Variants in PTCHD4 observed in about 807,000 individuals in gnomAD.
The protein encoded by PTCHD4 is patched domain containing 4.
Under a neutral mutation model 58.1 loss-of-function variants are expected in PTCHD4, and 33 were observed. That is an observed-to-expected ratio of 0.57 (90% confidence interval 0.43 to 0.76). The LOEUF is 0.76. Ranked by LOEUF, PTCHD4 falls within the 30% of genes least tolerant of loss-of-function variation. The pLI, the probability that PTCHD4 is intolerant of heterozygous loss-of-function variation, is 0.00. For missense variants in PTCHD4, 1,058 were observed against 1,027.1 expected, an observed-to-expected ratio of 1.03 and a Z score of -0.41; for synonymous variants, 478 against 409.6, an observed-to-expected ratio of 1.17 and a Z score of -2.02.
intron 4 of PTCHD4, among the ~76,000 whole-genome samples, chr6:47,943,201 G>A (rs1264351390): frequency 2.6e-5 from 4 of 152,058 alleles, no homozygotes; most frequent in Non-Finnish European, 5.9e-5. Context: ...GTAAATTTGA[G>A]AGTCATATAT....
intron 4 of PTCHD4, among the ~76,000 whole-genome samples, chr6:47,941,970 T>C (rs1329851225): frequency 6.6e-6 from 1 of 152,216 alleles, no homozygotes; most frequent in Non-Finnish European, 1.5e-5. Context: ...TGAAGTTGTG[T>C]TGAATGTGAA....
chr6:48,036,205 A>C (rs1008665994), intron 3 of PTCHD4, among the ~76,000 whole-genome samples: 1 of 152,072 alleles, frequency 6.6e-6, no homozygotes, highest in Non-Finnish European at 1.5e-5. Flanking sequence ...AGAGATACTT[A>C]AGCGAAGAGT....
intron 4 of PTCHD4, among the ~76,000 whole-genome samples, chr6:47,902,324 C>T (rs964520536): frequency 1.4e-4 from 21 of 152,108 alleles, no homozygotes; most frequent in Non-Finnish European, 5.9e-5. Context: ...CTTACAGTCT[C>T]ACTGGGTGAA....
chr6:48,111,006 G>T (rs1765864162), intron 1 of PTCHD4, among the ~76,000 whole-genome samples, 43 bp downstream of exon 1: 1 of 151,822 alleles, frequency 6.6e-6, no homozygotes, highest in Admixed American at 6.6e-5. Flanking sequence ...TCCTTTCTCT[G>T]TCCTGCTCTT....
intron 1 of PTCHD4, among the ~76,000 whole-genome samples, chr6:48,088,904 G>A (rs1765311622): frequency 6.6e-6 from 1 of 152,142 alleles, no homozygotes; most frequent in South Asian, 2.1e-4. Context: ...AATTAGCTGA[G>A]TGTGGTGGCG....
intron 3 of PTCHD4, among the ~76,000 whole-genome samples, chr6:48,035,297 T>C (rs1427081187): frequency 6.6e-6 from 1 of 152,082 alleles, no homozygotes; most frequent in Non-Finnish European, 1.5e-5. Context: ...TGGGTCACTC[T>C]GAATTGGGAA....
intron 1 of PTCHD4, among the ~76,000 whole-genome samples, chr6:48,094,907 A>C (rs1765432164): frequency 6.6e-6 from 1 of 152,238 alleles, no homozygotes; most frequent in South Asian, 2.1e-4. Flanking sequence ...AAACAATAAG[A>C]GTACATACTG....
At chr6:47,895,434 G>A (rs767561649) in intron 4 of PTCHD4, among the ~76,000 whole-genome samples, 31 of 152,148 alleles carry the variant, frequency 2.0e-4, no homozygotes, top group Admixed American at 1.1e-3. Context: ...GCTGATAAAA[G>A]CATGTTAGCA....
rs1412153830 is a variant in PTCHD4, at chr6:47,868,173, A to T, written c.*10130T>A. Among the ~76,000 whole-genome samples, 3 of 151,380 alleles carry T rather than the reference A, an allele frequency of 2.0e-5. No homozygotes were observed. The highest frequency in any genetic ancestry group is 3.9e-4 in the East Asian group (2 of 5,120). On this transcript the variant is annotated 3_prime_UTR_variant, in exon 5 of 5. Transcript: ENST00000339488. ...TCAACAGTTTTAGATCCGTTTTAAAATTTTTTCTCACTTTACCTTTTTTTT... is the reference window on the plus strand; with the variant it reads ...TCAACAGTTTTAGATCCGTTTTAAATTTTTTTCTCACTTTACCTTTTTTTT...
Position 47,857,105 on chromosome 6 carries a change from G to T in PTCHD4, c.*21198C>A, listed in dbSNP as rs1341058455. Among the ~76,000 whole-genome samples the T allele has an allele frequency of 2.0e-5, 3 of 151,892 alleles. No individual in the cohort carries two copies. The highest frequency in any genetic ancestry group is 7.2e-5 in the African/African-American group (3 of 41,386). ...ACAAGAAATCATATTATATAGTATT[G>T]TCCCACCTAACAAAAATTACTTATG... On this transcript the variant is annotated 3_prime_UTR_variant, in exon 5 of 5. Transcript: ENST00000339488.
At chr6:47,957,912 A>T (rs1464306224) in intron 4 of PTCHD4, among the ~76,000 whole-genome samples, 1 of 152,092 alleles carries the variant, frequency 6.6e-6, no homozygotes, top group Non-Finnish European at 1.5e-5. Flanking sequence ...CCATAAGACT[A>T]AATTTTTAAG....
chr6:47,940,368 G>T (rs1387853334), intron 4 of PTCHD4, among the ~76,000 whole-genome samples: 3 of 151,994 alleles, frequency 2.0e-5, no homozygotes, highest in Admixed American at 2.0e-4. Context: ...TGGTTTCCAT[G>T]TCACCCATAT....
At chr6:48,106,230 A>G (rs1272574696) in intron 1 of PTCHD4, among the ~76,000 whole-genome samples, 2 of 152,136 alleles carry the variant, frequency 1.3e-5, no homozygotes, top group Non-Finnish European at 1.5e-5. Flanking sequence ...GCATCCAGCA[A>G]CACATCAAAA....
chr6:47,939,577 T>C (rs960283261), intron 4 of PTCHD4, among the ~76,000 whole-genome samples: 2 of 152,090 alleles, frequency 1.3e-5, no homozygotes, highest in Non-Finnish European at 1.5e-5. Context: ...GTGTCAGTGA[T>C]TCAAGCTTCT....
At chr6:47,975,915 T>C (rs957556548) in intron 4 of PTCHD4, among the ~76,000 whole-genome samples, 2 of 152,220 alleles carry the variant, frequency 1.3e-5, no homozygotes, top group African/African-American at 4.8e-5. Context: ...GTTCCACTTA[T>C]CTATGCTTTG....
At chr6:48,059,522 A>G (rs1389263644) in intron 3 of PTCHD4, among the ~76,000 whole-genome samples, 1 of 151,952 alleles carries the variant, frequency 6.6e-6, no homozygotes, top group Non-Finnish European at 1.5e-5. Flanking sequence ...GCCTGCCGTC[A>G]CAGCTACTCG....
At chr6:48,038,436 GTT>G (rs1438215733) in intron 3 of PTCHD4, among the ~76,000 whole-genome samples, 9 of 151,932 alleles carry the variant, frequency 5.9e-5, no homozygotes, top group Non-Finnish European at 1.3e-4. Context: ...GAGGTCAGAA[GTT>G]TGAAACCAGA....
intron 3 of PTCHD4, among the ~76,000 whole-genome samples, chr6:48,046,792 T>A (rs1764049537): frequency 6.6e-6 from 1 of 151,854 alleles, no homozygotes; most frequent in African/African-American, 2.4e-5. Flanking sequence ...CAGGAAGAAA[T>A]ATTTGAAACG....
At chr6:48,100,205 G>C (rs1411192278) in intron 1 of PTCHD4, among the ~76,000 whole-genome samples, 2 of 152,272 alleles carry the variant, frequency 1.3e-5, no homozygotes, top group Middle Eastern at 3.4e-3. Flanking sequence ...ACTGCATCTA[G>C]ATACTTAAAC....
Sources: allele counts gnomAD v4.1 joint callset (sites outside exome capture counted in the v4.1 genomes callset), GRCh38; gene constraint gnomAD v4.1.1; transcripts MANE v1.5; gene names NCBI Gene and HGNC (gene_info 2026-07-23, HGNC 2026-07-21).